Variants in INPP4B observed in about 807,000 individuals in gnomAD.
INPP4B encodes the protein inositol polyphosphate 4-phosphatase type II.
In INPP4B, 55 loss-of-function variants were observed where a neutral mutation model predicts 122.5. That is an observed-to-expected ratio of 0.45 (90% confidence interval 0.36 to 0.56). The LOEUF (loss-of-function observed/expected upper bound fraction) is 0.56, where lower values mean the gene tolerates loss of function less well. INPP4B is among the 20% of genes least tolerant of loss of function. The pLI, the probability that INPP4B is intolerant of heterozygous loss-of-function variation, is 0.00. For missense variants in INPP4B, 1,000 were observed against 1,097.7 expected (o/e 0.91, Z 1.26); for synonymous variants, 403 against 388.7 (o/e 1.04, Z -0.43).
intron 23 of INPP4B, among the ~76,000 whole-genome samples, chr4:142,088,061 G>C (rs1029501200): frequency 3.3e-5 from 5 of 152,176 alleles, no homozygotes; most frequent in Admixed American, 2.0e-4. Context: ...AACTACAGAT[G>C]ATTCTCATAC....
At chr4:142,039,585 A>AAAG (rs200933314) in intron 25 of INPP4B, among the ~76,000 whole-genome samples, 1,847 of 151,216 alleles carry the variant, frequency 0.012, 42 homozygotes, top group African/African-American at 0.043. Context: ...GAAATTTTAA[A>AAAG]AAGTGCTTTA....
At chr4:142,687,470 G>T (rs1231396264) in intron 2 of INPP4B, among the ~76,000 whole-genome samples, 11 of 149,690 alleles carry the variant, frequency 7.3e-5, no homozygotes, top group South Asian at 6.3e-4. Flanking sequence ...AACAAATTTG[G>T]CTTTAAACTT....
chr4:142,098,243 T>C (rs972459421), intron 23 of INPP4B, among the ~76,000 whole-genome samples: 11 of 151,852 alleles, frequency 7.2e-5, no homozygotes, highest in African/African-American at 2.7e-4. Context: ...GAGGTAAGTG[T>C]GAGAGAAAGC....
chr4:142,662,923 A>ATAAT (rs1218563350), intron 2 of INPP4B, among the ~76,000 whole-genome samples: 4 of 152,214 alleles, frequency 2.6e-5, no homozygotes, highest in African/African-American at 9.6e-5. Flanking sequence ...GGCTGGTCTC[A>ATAAT]TAATTAAAAT....
intron 2 of INPP4B, among the ~76,000 whole-genome samples, chr4:142,628,806 CA>C (rs565982368): frequency 1.6e-3 from 248 of 152,042 alleles, no homozygotes; most frequent in African/African-American, 5.8e-3. Context: ...TCCGCCCAAA[CA>C]AAAGATAAAC....
intron 8 of INPP4B, among the ~76,000 whole-genome samples, chr4:142,306,542 G>T (rs192942596): frequency 6.6e-6 from 1 of 152,136 alleles, no homozygotes; most frequent in Non-Finnish European, 1.5e-5. Context: ...GAGGGTAATG[G>T]CATCTTTTTC....
At chr4:142,714,268 A>G (rs1763485938) in intron 2 of INPP4B, among the ~76,000 whole-genome samples, 1 of 152,194 alleles carries the variant, frequency 6.6e-6, no homozygotes, top group Non-Finnish European at 1.5e-5. Context: ...AATTTGACAG[A>G]CTAATTAGAG....
At chr4:142,492,413 G>T (rs1399673929) in intron 2 of INPP4B, among the ~76,000 whole-genome samples, 2 of 152,134 alleles carry the variant, frequency 1.3e-5, no homozygotes, top group Non-Finnish European at 2.9e-5. Context: ...ATGTGGGAAA[G>T]TTTGGAACTT....
In INPP4B at chr4:142,260,345, C is replaced by G. The variant is rs768684875; in HGVS notation, c.688+147G>C. The G allele has an allele frequency of 1.3e-4, 87 of 652,192 alleles. No individual in the cohort carries two copies. In the Admixed American group the frequency reaches 2.4e-3, roughly 18 times the overall value. The allele number at this position is 652,192 out of a possible 1,614,324, so 40.4% of individuals were successfully genotyped here. ...TCTTTCCTGTGGAATTGTACAATCT[C>G]CCCGCATTCTGCTGGCCCCTTATGA... On this transcript the variant is annotated intron_variant, in intron 11 of 25. Transcript: ENST00000262992.
At chr4:142,486,027 T>C (rs1428570727) in intron 2 of INPP4B, among the ~76,000 whole-genome samples, 1 of 151,960 alleles carries the variant, frequency 6.6e-6, no homozygotes, top group Non-Finnish European at 1.5e-5. Context: ...TATACTATCC[T>C]CCATGTTCTC....
chr4:142,537,425 TATATAGAGAGAGAGAGAG>T (rs1259545005), intron 2 of INPP4B, among the ~76,000 whole-genome samples: 7 of 40,990 alleles, frequency 1.7e-4, no homozygotes, highest in African/African-American at 4.8e-4. Flanking sequence ...TATATATATA[TATATAGAGAGAGAGAGAG>T]AGAGAGAGAG....
intron 7 of INPP4B, among the ~76,000 whole-genome samples, chr4:142,352,298 T>C (rs1391093): frequency 0.22 from 32,725 of 151,830 alleles, 4,457 homozygotes; most frequent in East Asian, 0.46. Flanking sequence ...ATTGGCAGTA[T>C]TAAGACAACA....
At chr4:142,470,114 A>G (rs1053853662) in intron 2 of INPP4B, among the ~76,000 whole-genome samples, 11 of 152,222 alleles carry the variant, frequency 7.2e-5, no homozygotes, top group Admixed American at 2.0e-4. Context: ...TTTGAAGCTT[A>G]TAAGTGCTAG....
chr4:142,262,502 AC>A (rs1198586314), intron 10 of INPP4B, among the ~76,000 whole-genome samples: 2 of 151,764 alleles, frequency 1.3e-5, no homozygotes, highest in African/African-American at 4.8e-5. Context: ...TCCTTAACCA[AC>A]ATCTAGTATA....
intron 23 of INPP4B, among the ~76,000 whole-genome samples, chr4:142,097,723 A>G (rs146663168): frequency 1.4e-3 from 209 of 152,280 alleles, no homozygotes; most frequent in African/African-American, 4.9e-3. Flanking sequence ...TGATAATGTG[A>G]ATTCCAAAAT....
chr4:142,255,221 G>A (rs1735109353), intron 11 of INPP4B, among the ~76,000 whole-genome samples: 2 of 151,666 alleles, frequency 1.3e-5, no homozygotes, highest in African/African-American at 2.4e-5. Flanking sequence ...ACATGGAAAG[G>A]AACAACCGGT....
At chr4:142,734,427 G>A (rs1179307506) in intron 1 of INPP4B, among the ~76,000 whole-genome samples, 1 of 152,186 alleles carries the variant, frequency 6.6e-6, no homozygotes, top group Admixed American at 6.5e-5. Context: ...GGAGGATACA[G>A]TACCTGAAAG....
intron 19 of INPP4B, among the ~76,000 whole-genome samples, chr4:142,124,205 G>A (rs1231905876): frequency 6.6e-6 from 1 of 152,058 alleles, no homozygotes; most frequent in Non-Finnish European, 1.5e-5. Flanking sequence ...ACAAATAAGC[G>A]ACTGCAAACA....
chr4:142,177,457 C>A (rs79822846), intron 15 of INPP4B, among the ~76,000 whole-genome samples: 4,278 of 152,086 alleles, frequency 0.028, 183 homozygotes, highest in African/African-American at 0.097. Flanking sequence ...GAAATTTAAA[C>A]TGGATCCAAA....
Sources: gnomAD v4.1 joint callset for allele counts (sites outside exome capture counted in the v4.1 genomes callset) on GRCh38, gnomAD v4.1.1 for gene constraint, MANE v1.5 for transcripts, NCBI Gene and HGNC (gene_info 2026-07-23, HGNC 2026-07-21) for gene names.